Variants in PHAX observed in about 807,000 individuals in gnomAD.
PHAX encodes the protein phosphorylated adaptor for RNA export.
In PHAX, 31 loss-of-function variants were observed where a neutral mutation model predicts 41.6. The ratio of observed to expected loss-of-function variants is 0.75; its 90% CI spans 0.56 to 1.01. The LOEUF is 1.01. Ranked by LOEUF, PHAX falls within the 50% of genes least tolerant of loss-of-function variation. The probability of loss-of-function intolerance (pLI) is 0.00; values close to 1 mark genes in which losing one functional copy is unlikely to be tolerated. For missense variants in PHAX, 453 were observed against 472.9 expected, an observed-to-expected ratio of 0.96 and a Z score of 0.39; for synonymous variants, 175 against 164.9, an observed-to-expected ratio of 1.06 and a Z score of -0.47.
intron 3 of PHAX, among the ~76,000 whole-genome samples, chr5:126,616,880 CAAAAA>C (rs35808274): frequency 2.2e-5 from 2 of 91,222 alleles, no homozygotes; most frequent in Admixed American, 1.2e-4. Flanking sequence ...AACTCCATCT[CAAAAA>C]AAAAAAAAAA....
At position 126,626,834 on chromosome 5, in the gene PHAX, C is replaced by G. The variant is rs1008773987; in HGVS notation, c.*1990C>G. 6.6e-6 allele frequency: 1 copy of G among 152,016 alleles called. No homozygotes were observed. Among genetic ancestry groups the G allele is most frequent in the African/African-American group, 2.4e-5 (1 of 41,362 alleles). The allele number at this position is 152,016 out of a possible 1,614,324, so 9.4% of individuals were successfully genotyped here. ...GCCGAGGCAGGAGAATCACTTGAACCCAGGAGGCAGAGGTTGCAGTGAGTC... is the reference window on the plus strand; with the variant it reads ...GCCGAGGCAGGAGAATCACTTGAACGCAGGAGGCAGAGGTTGCAGTGAGTC... On this transcript the variant is annotated 3_prime_UTR_variant, in exon 5 of 5. Transcript: ENST00000297540.
At position 126,603,761 on chromosome 5, in the gene PHAX, T is replaced by G. The variant is rs746190514; in HGVS notation, c.288T>G (p.Pro96=). 49 of 1,613,986 alleles carry G rather than the reference T, an allele frequency of 3.0e-5. 1 individual carries two copies. In the South Asian group the frequency reaches 5.3e-4, roughly 17 times the overall value. Residue 96 remains proline, a synonymous_variant, in exon 2 of 5, where the codon CCT becomes CCG. Transcript: ENST00000297540. ...KCFNPPPKPE[P]FQFGQSSQKP... is the part of the protein sequence containing the mutation. ...TTAACCCTCCTCCCAAACCAGAGCC[T>G]TTTCAGTTTGGCCAGAGCAGTCAGA...
rs144580855 is a variant in PHAX, at chr5:126,613,227, T to A, written c.832-4023T>A. ...AGCCGGGTGTGGTGGCATGTGCCTG[T>A]AATCACAGGTGCTCGGGAGGCTGAG... On this transcript the variant is annotated intron_variant, in intron 3 of 4. Transcript: ENST00000297540. Among the ~76,000 whole-genome samples the A allele has an allele frequency of 9.6e-3, 1,468 of 152,176 alleles. 16 individuals are homozygous for A. The highest frequency in any genetic ancestry group is 0.021 in the Admixed American group (316 of 15,266).
chr5:126,611,508 T>G (rs1239504479), intron 3 of PHAX, among the ~76,000 whole-genome samples: 1 of 152,120 alleles, frequency 6.6e-6, no homozygotes, highest in African/African-American at 2.4e-5. Context: ...TAAAAAGTGA[T>G]ACATTGACCA....
At chr5:126,618,203 G>T (rs1222792281) in intron 4 of PHAX, among the ~76,000 whole-genome samples, 1 of 152,078 alleles carries the variant, frequency 6.6e-6, no homozygotes, top group Non-Finnish European at 1.5e-5. Context: ...GCCTCCCAGA[G>T]TGTTGGGATT....
In PHAX at chr5:126,607,115, G is replaced by A. The variant is rs1242405435; in HGVS notation, c.711-1249G>A. ...GTGTCATAAATTTGAAAACAGATAC[G>A]GTTCAAGAGTAATGCAGGTGGTAGG... On this transcript the variant is annotated intron_variant, in intron 2 of 4. Transcript: ENST00000297540. Among the ~76,000 whole-genome samples the A allele has an allele frequency of 3.3e-5, 5 of 152,130 alleles. No individual in the cohort carries two copies. In the East Asian group the frequency reaches 7.7e-4, roughly 23 times the overall value.
Position 126,617,348 on chromosome 5 carries a change from C to A in PHAX, c.915+15C>A. On this transcript the variant is annotated intron_variant, in intron 4 of 4. Coordinates refer to ENST00000297540, the MANE Select transcript of PHAX (RefSeq NM_032177.4). ...AACAAATTAAGGTAATGATAATGTC[C>A]TCACCTCTTAAGCGCCATCATAATT... is the stretch of plus-strand genomic sequence containing the variant. The A allele has an allele frequency of 6.7e-7, 1 of 1,493,528 alleles. No individual in the cohort carries two copies. The highest frequency in any genetic ancestry group is 9.3e-7 in the Non-Finnish European group (1 of 1,073,592). 92.5% of individuals were successfully genotyped at this position (1,493,528 alleles called of 1,614,324 possible).
At chr5:126,622,451 T>C (rs1581423562) in intron 4 of PHAX, among the ~76,000 whole-genome samples, 1 of 136,624 alleles carries the variant, frequency 7.3e-6, no homozygotes, top group Admixed American at 7.3e-5. Flanking sequence ...TATTTTTTTT[T>C]TTTTTTTTTT....
chr5:126,623,918 G>A (rs777731179), intron 4 of PHAX, among the ~76,000 whole-genome samples: 20 of 151,534 alleles, frequency 1.3e-4, no homozygotes, highest in African/African-American at 3.1e-4. Context: ...CCTTTGAACC[G>A]TCTCTGTTTT....
intron 1 of PHAX, among the ~76,000 whole-genome samples, chr5:126,602,819 G>A (rs917126492): frequency 1.3e-4 from 19 of 151,898 alleles, no homozygotes; most frequent in Non-Finnish European, 2.4e-4. Flanking sequence ...CCTGGCTAAC[G>A]CGGTGAAACC....
At chr5:126,609,404 G>A (rs1289093337) in intron 3 of PHAX, among the ~76,000 whole-genome samples, 1 of 151,776 alleles carries the variant, frequency 6.6e-6, no homozygotes, top group African/African-American at 2.4e-5. Flanking sequence ...CCCGGCCAAA[G>A]GGTTGAAGTT....
At chr5:126,604,958 C>T (rs368232474) in intron 2 of PHAX, among the ~76,000 whole-genome samples, 64 of 151,732 alleles carry the variant, frequency 4.2e-4, no homozygotes, top group African/African-American at 1.4e-3. Flanking sequence ...CACTTGAACC[C>T]GGGAGGCGGA....
Position 126,604,205 on chromosome 5 carries a change from A to G in PHAX, c.710+22A>G, listed in dbSNP as rs369519252. 30 of 1,514,418 alleles carry G rather than the reference A, an allele frequency of 2.0e-5. No homozygotes were observed. In the Middle Eastern group the frequency reaches 8.9e-4, roughly 45 times the overall value. The allele number at this position is 1,514,418 out of a possible 1,614,324, so 93.8% of individuals were successfully genotyped here. A position where few individuals can be genotyped will look rare whatever the true frequency, so the allele number is the denominator to read the frequency against. ...TCAGGTGAGCATTTGAATTACAAAT[A>G]AGTACTTGACCAGATGGCTTCTATT... On this transcript the variant is annotated intron_variant, in intron 2 of 4. Coordinates refer to ENST00000297540, the MANE Select transcript of PHAX (RefSeq NM_032177.4).
At chr5:126,614,310 G>A (rs1001915296) in intron 3 of PHAX, among the ~76,000 whole-genome samples, 1 of 151,936 alleles carries the variant, frequency 6.6e-6, no homozygotes, top group Admixed American at 6.6e-5. Flanking sequence ...TGTTGGCCAG[G>A]CTGGTCTCAA....
At chr5:126,624,280 A>AT (rs1271598965) in intron 4 of PHAX, among the ~76,000 whole-genome samples, 2 of 152,120 alleles carry the variant, frequency 1.3e-5, no homozygotes, top group Non-Finnish European at 2.9e-5. Context: ...AAGTGCTGGG[A>AT]TTACAGGCAT....
rs372515076 is a variant in PHAX, at chr5:126,601,010, G to A, written c.48G>A (p.Ser16=). The A allele has an allele frequency of 3.7e-6, 6 of 1,606,706 alleles. No homozygotes were observed. Among genetic ancestry groups the A allele is most frequent in the Non-Finnish European group, 5.1e-6 (6 of 1,176,760 alleles). The change falls in exon 1 of 5, where the codon TCG becomes TCA. Residue 16 remains serine (S), a synonymous_variant. Transcript: ENST00000297540. The part of the protein sequence containing the change: ...GDMEDGQLSD[S]DSDMTVAPSD... ...TGGAAGATGGGCAGCTTTCCGACTC[G>A]GATTCCGACATGACGGTCGCACCCA...
chr5:126,624,169 C>T (rs373306612), intron 4 of PHAX, among the ~76,000 whole-genome samples: 58 of 151,930 alleles, frequency 3.8e-4, no homozygotes, highest in East Asian at 1.2e-3. Flanking sequence ...CCACCACAGC[C>T]GGCTACTTTT....
chr5:126,609,648 T>C (rs1159266065), intron 3 of PHAX, among the ~76,000 whole-genome samples: 1 of 151,944 alleles, frequency 6.6e-6, no homozygotes, highest in African/African-American at 2.4e-5. Context: ...CCCAGCACTT[T>C]AGCAATGGTA....
chr5:126,614,675 A>G (rs993209816), intron 3 of PHAX, among the ~76,000 whole-genome samples: 2 of 151,944 alleles, frequency 1.3e-5, no homozygotes, highest in Non-Finnish European at 2.9e-5. Context: ...CTTTATTATC[A>G]CAATAAAAAA....
Sources: gnomAD v4.1 joint callset for allele counts (sites outside exome capture counted in the v4.1 genomes callset) on GRCh38, gnomAD v4.1.1 for gene constraint, MANE v1.5 for transcripts, NCBI Gene and HGNC (gene_info 2026-07-23, HGNC 2026-07-21) for gene names.